Variants in F13A1 observed in about 807,000 individuals in gnomAD.
The protein encoded by F13A1 is FSF, A subunit.
In F13A1, 47 loss-of-function variants were observed where a neutral mutation model predicts 80.1. That is an observed-to-expected ratio of 0.59 (90% CI 0.46 to 0.75). F13A1 has a LOEUF of 0.75. Ranked by LOEUF, F13A1 falls within the 30% of genes least tolerant of loss-of-function variation. The probability of loss-of-function intolerance (pLI) is 0.00; values close to 1 mark genes in which losing one functional copy is unlikely to be tolerated. For missense variants in F13A1, 817 were observed against 930.4 expected (o/e 0.88, Z 1.59); for synonymous variants, 349 against 344.9 (o/e 1.01, Z -0.13).
chr6:6,225,470 T>C (rs1185014913), intron 6 of F13A1, among the ~76,000 whole-genome samples: 1 of 151,960 alleles, frequency 6.6e-6, no homozygotes, highest in Non-Finnish European at 1.5e-5. Flanking sequence ...TTACAGAGGT[T>C]TTTTGTTTTT....
chr6:6,271,521 T>C (rs921591715), intron 3 of F13A1, among the ~76,000 whole-genome samples: 1 of 152,074 alleles, frequency 6.6e-6, no homozygotes, highest in Admixed American at 6.5e-5. Flanking sequence ...TGTGTTTTTC[T>C]CCCCCAAATC....
At chr6:6,303,449 A>G (rs146349249) in intron 3 of F13A1, among the ~76,000 whole-genome samples, 750 of 152,288 alleles carry the variant, frequency 4.9e-3, no homozygotes, top group African/African-American at 0.015. Context: ...TGATGTTTTG[A>G]TCAATATGTG....
At chr6:6,225,008 C>G (rs1354816882) in intron 6 of F13A1, 148 bp from the exon 7 acceptor site, 3 of 852,072 alleles carry the variant, frequency 3.5e-6, no homozygotes, top group Non-Finnish European at 5.6e-6. Flanking sequence ...TTTACCATTA[C>G]ATTGTTAGAA....
intron 3 of F13A1, among the ~76,000 whole-genome samples, chr6:6,279,617 T>C (rs1758034128): frequency 6.6e-6 from 1 of 152,140 alleles, no homozygotes; most frequent in Non-Finnish European, 1.5e-5. Flanking sequence ...CTCTTTCATG[T>C]TCTCAGTCAG....
rs547712318 is a variant in F13A1 at position 6,195,817 on chromosome 6, C to A, written c.1285G>T (p.Ala429Ser). The A allele has an allele frequency of 6.2e-7, 1 of 1,614,180 alleles. No homozygotes were observed. Among genetic ancestry groups the A allele is most frequent in the East Asian group, 2.2e-5 (1 of 44,894 alleles). The change falls in exon 10 of 15, where the codon GCA becomes TCA. Residue 429 changes from alanine to serine, a missense_variant. Transcript: ENST00000264870. ...CTTACCTCTGCAAAAACAAAAGGTG[C>A]ATCAAATTGGAAGCAGACATGGCCG... ...KHGHVCFQFD[A>S]PFVFAEVNSD...
chr6:6,212,079 C>T (rs569234536), intron 8 of F13A1, among the ~76,000 whole-genome samples: 1 of 152,240 alleles, frequency 6.6e-6, no homozygotes, highest in African/African-American at 2.4e-5. Context: ...GATCAAACAG[C>T]AAAGCAGCAG....
At chr6:6,319,460 C>A (rs1583131764) in intron 1 of F13A1, among the ~76,000 whole-genome samples, 1 of 152,168 alleles carries the variant, frequency 6.6e-6, no homozygotes, top group African/African-American at 2.4e-5. Flanking sequence ...ATTCCCCAAG[C>A]CTGCTTCCCC....
intron 6 of F13A1, among the ~76,000 whole-genome samples, chr6:6,242,882 G>C (rs1757501700): frequency 6.6e-6 from 1 of 152,178 alleles, no homozygotes; most frequent in Admixed American, 6.5e-5. Flanking sequence ...AGCTACATTT[G>C]AGAGATTTGC....
At chr6:6,150,320 G>T (rs1404718463) in intron 14 of F13A1, among the ~76,000 whole-genome samples, 1 of 152,158 alleles carries the variant, frequency 6.6e-6, no homozygotes, top group Non-Finnish European at 1.5e-5. Flanking sequence ...TATGGCTGCT[G>T]ACCTCTCTAT....
chr6:6,211,609 C>A (rs565029945), intron 8 of F13A1, among the ~76,000 whole-genome samples: 20 of 152,260 alleles, frequency 1.3e-4, no homozygotes, highest in Non-Finnish European at 2.1e-4. Context: ...TATAAAAGTC[C>A]AACTAGATGA....
intron 8 of F13A1, among the ~76,000 whole-genome samples, chr6:6,208,774 G>A (rs573628164): frequency 3.2e-4 from 48 of 151,122 alleles, no homozygotes; most frequent in African/African-American, 4.6e-4. Context: ...TCTCTTATTC[G>A]CTCTCTTATT....
chr6:6,313,254 A>T (rs80231304), intron 2 of F13A1, among the ~76,000 whole-genome samples: 1 of 150,070 alleles, frequency 6.7e-6, no homozygotes, highest in Admixed American at 6.6e-5. Flanking sequence ...TTCCTGGCAA[A>T]ATGGAACAGC....
chr6:6,260,515 C>T (rs1350138589), intron 4 of F13A1, among the ~76,000 whole-genome samples: 2 of 152,150 alleles, frequency 1.3e-5, no homozygotes, highest in Non-Finnish European at 1.5e-5. Context: ...AGCGCTGAAT[C>T]CTTTGTTATG....
intron 6 of F13A1, among the ~76,000 whole-genome samples, chr6:6,247,509 C>A (rs769699309): frequency 6.6e-6 from 1 of 152,176 alleles, no homozygotes; most frequent in South Asian, 2.1e-4. Flanking sequence ...TAATCCAGGA[C>A]TGCATGGGTC....
At chr6:6,267,724 G>A (rs1157169093) in intron 3 of F13A1, among the ~76,000 whole-genome samples, 4 of 149,798 alleles carry the variant, frequency 2.7e-5, no homozygotes, top group East Asian at 2.0e-4. Flanking sequence ...AAAAATCTAC[G>A]TGTTAATGAT....
intron 10 of F13A1, among the ~76,000 whole-genome samples, chr6:6,193,590 C>T (rs2151081371): frequency 6.6e-6 from 1 of 152,312 alleles, no homozygotes; most frequent in Non-Finnish European, 1.5e-5. Flanking sequence ...GTCAGACACG[C>T]CTCTGCAGTG....
chr6:6,252,105 T>C (rs1292253055), intron 4 of F13A1, among the ~76,000 whole-genome samples: 1 of 152,126 alleles, frequency 6.6e-6, no homozygotes, highest in Non-Finnish European at 1.5e-5. Flanking sequence ...CACCGGGGGA[T>C]GGAATCAGCA....
intron 13 of F13A1, 105 bp downstream of exon 13, chr6:6,167,353 G>T (rs1760693732): frequency 1.8e-6 from 2 of 1,090,994 alleles, no homozygotes. Context: ...TTTTGAGCAG[G>T]ACATTCATTC....
chr6:6,218,048 C>G (rs987229805), intron 8 of F13A1, among the ~76,000 whole-genome samples: 1 of 152,116 alleles, frequency 6.6e-6, no homozygotes, highest in African/African-American at 2.4e-5. Context: ...TGGGTGCATT[C>G]CGGTGGGGAA....
Sources: gnomAD v4.1 joint callset for allele counts (sites outside exome capture counted in the v4.1 genomes callset) on GRCh38, gnomAD v4.1.1 for gene constraint, MANE v1.5 for transcripts, NCBI Gene and HGNC (gene_info 2026-07-23, HGNC 2026-07-21) for gene names.